Variants in BMP7 observed in about 807,000 individuals in gnomAD.
BMP7 encodes bone morphogenetic protein 7.
In BMP7, 12 loss-of-function variants were observed where a neutral mutation model predicts 41.2. That is an observed-to-expected ratio of 0.29 (90% CI 0.19 to 0.47). BMP7 has a LOEUF of 0.47. Ranked by LOEUF, BMP7 falls within the 20% of genes least tolerant of loss-of-function variation. The probability of loss-of-function intolerance (pLI) is 0.99; values close to 1 mark genes in which losing one functional copy is unlikely to be tolerated. For synonymous variants in BMP7, 248 were observed against 250.0 expected (o/e 0.99, Z 0.07); for missense variants, 467 against 606.0 (o/e 0.77, Z 2.41).
rs892509455 is a variant in BMP7, at chr20:57,261,855, G to C, written c.418+3850C>G. On this transcript the variant is annotated intron_variant, in intron 1 of 6. Coordinates refer to ENST00000395863, the MANE Select transcript of BMP7 (RefSeq NM_001719.3). This position sits in a 1 kb window ranked among gnomAD's most constrained non-coding sequence, Gnocchi z 4.1. ...CTTTTTCTAATACTCTACAGTGGTA[G>C]GGCCTGCTCTTGACGGGCAGTGGGA... is the stretch of plus-strand genomic sequence containing the variant. Among the ~76,000 whole-genome samples the C allele has an allele frequency of 6.6e-6, 1 of 152,244 alleles. No individual in the cohort carries two copies. Among genetic ancestry groups the C allele is most frequent in the Non-Finnish European group, 1.5e-5 (1 of 68,044 alleles).
chr20:57,233,832 GTATT>G (rs2066037747), intron 1 of BMP7, among the ~76,000 whole-genome samples: 1 of 152,142 alleles, frequency 6.6e-6, no homozygotes, highest in African/African-American at 2.4e-5. Flanking sequence ...CCGTGGGACA[GTATT>G]TAACACCCTA....
rs913044682 is a variant in BMP7 at position 57,266,143 on chromosome 20, CCCGGGCT to C, written c.-28_-22del. The C allele has an allele frequency of 1.7e-5, 26 of 1,514,458 alleles. No individual in the cohort carries two copies. Among genetic ancestry groups the C allele is most frequent in the African/African-American group, 5.6e-5 (4 of 71,822 alleles). The allele number at this position is 1,514,458 out of a possible 1,614,324, so 93.8% of individuals were successfully genotyped here. A position where few individuals can be genotyped will look rare whatever the true frequency, so the allele number is the denominator to read the frequency against. On this transcript the variant is annotated 5_prime_UTR_variant, in exon 1 of 7. Transcript: ENST00000395863. ...TGCATCGCGCCGGCTCTACGCGCTA[CCCGGGCT>C]CCGGGCTCCGGGCCCGCACCGCCCC...
At position 57,251,925 on chromosome 20, in the gene BMP7, C is replaced by T. The variant is rs375153810; in HGVS notation, c.418+13780G>A. ...CTCCAGCCTGGGTGACAGAGCAAGG[C>T]TCTGTCTCAAAAAAACAAAGCAAAA... On this transcript the variant is annotated intron_variant, in intron 1 of 6. Transcript: ENST00000395863. Among the ~76,000 whole-genome samples the T allele has an allele frequency of 4.9e-4, 75 of 152,272 alleles. 1 individual carries two copies. The South Asian group carries it at 0.013, about 26-fold the overall frequency.
At chr20:57,226,895 C>T (rs1043974905) in intron 2 of BMP7, among the ~76,000 whole-genome samples, 5 of 147,144 alleles carry the variant, frequency 3.4e-5, no homozygotes, top group African/African-American at 7.7e-5. Context: ...GGCACCATCT[C>T]GGCTCACTGC....
chr20:57,250,943 C>G (rs1482528514), intron 1 of BMP7, among the ~76,000 whole-genome samples: 1 of 152,232 alleles, frequency 6.6e-6, no homozygotes, highest in Non-Finnish European at 1.5e-5. Flanking sequence ...AAAGAGAAGG[C>G]CAGCTGCCCT....
chr20:57,262,935 C>A (rs539626406), intron 1 of BMP7, among the ~76,000 whole-genome samples: 7 of 152,142 alleles, frequency 4.6e-5, no homozygotes, highest in African/African-American at 7.2e-5. Flanking sequence ...ACACCTCCCC[C>A]CAACCCTCTC....
At chr20:57,256,465 C>A (rs1055367531) in intron 1 of BMP7, among the ~76,000 whole-genome samples, 9 of 152,212 alleles carry the variant, frequency 5.9e-5, no homozygotes, top group Non-Finnish European at 1.0e-4. Context: ...TCGTCATCTC[C>A]TTGCCAACCT....
At chr20:57,194,256 G>A (rs1015645674) in intron 3 of BMP7, among the ~76,000 whole-genome samples, 7 of 152,148 alleles carry the variant, frequency 4.6e-5, no homozygotes, top group South Asian at 2.1e-4. Flanking sequence ...TGATGGGGCC[G>A]GAAGGGAAAA....
chr20:57,194,016 A>G (rs1028877468), intron 3 of BMP7, among the ~76,000 whole-genome samples: 4 of 152,182 alleles, frequency 2.6e-5, no homozygotes, highest in Admixed American at 6.5e-5. Flanking sequence ...TCCTCCGTCC[A>G]TGAACGCTGC....
At chr20:57,179,994 C>T (rs549686312) in intron 4 of BMP7, among the ~76,000 whole-genome samples, 7 of 152,184 alleles carry the variant, frequency 4.6e-5, no homozygotes, top group Admixed American at 2.0e-4. Flanking sequence ...GTTCCTCTCC[C>T]CCTCATTACC....
chr20:57,173,385 G>C, intron 5 of BMP7, 75 bp from the exon 6 acceptor site: 1 of 1,422,018 alleles, frequency 7.0e-7, no homozygotes, highest in African/African-American at 1.4e-5. Flanking sequence ...ATGCTGGCCA[G>C]AAACCACCAC....
intron 1 of BMP7, among the ~76,000 whole-genome samples, chr20:57,233,991 T>C (rs4811828): frequency 0.17 from 25,840 of 152,250 alleles, 2,549 homozygotes; most frequent in East Asian, 0.33. Flanking sequence ...GGGATGATTT[T>C]GTGCTGGGCA....
intron 1 of BMP7, among the ~76,000 whole-genome samples, chr20:57,242,019 C>G (rs569508784): frequency 5.3e-5 from 8 of 152,260 alleles, no homozygotes; most frequent in African/African-American, 1.9e-4. Context: ...ACCCAGACAG[C>G]CCCCTGGCCT....
At position 57,196,274 on chromosome 20, in the gene BMP7, G is replaced by C. The variant is rs192171864; in HGVS notation, c.760+6201C>G. Among the ~76,000 whole-genome samples the C allele has an allele frequency of 2.0e-5, 3 of 152,296 alleles. No individual in the cohort carries two copies. The East Asian group carries it at 5.8e-4, about 29-fold the overall frequency. Reference sequence around the variant, plus strand: ...AGAAGACGGCACAAGGAAAATGGGCGTATTGATTTGTAGAGCAGCAGGAAG... The same window carrying C: ...AGAAGACGGCACAAGGAAAATGGGCCTATTGATTTGTAGAGCAGCAGGAAG... On this transcript the variant is annotated intron_variant, in intron 3 of 6. Coordinates refer to ENST00000395863, the MANE Select transcript of BMP7 (RefSeq NM_001719.3).
chr20:57,187,684 C>A (rs1033442155), intron 3 of BMP7, among the ~76,000 whole-genome samples: 1 of 152,122 alleles, frequency 6.6e-6, no homozygotes, highest in African/African-American at 2.4e-5. Flanking sequence ...TGGTAGAAGG[C>A]AGAACAGAGA....
intron 1 of BMP7, among the ~76,000 whole-genome samples, chr20:57,257,402 GTA>G (rs2066137958): frequency 6.6e-6 from 1 of 151,960 alleles, no homozygotes; most frequent in Admixed American, 6.5e-5. Flanking sequence ...TTAATTAAAT[GTA>G]TATTGTTAAT....
chr20:57,233,513 A>T (rs941959213), intron 1 of BMP7, among the ~76,000 whole-genome samples: 1 of 152,230 alleles, frequency 6.6e-6, no homozygotes, highest in Non-Finnish European at 1.5e-5. Flanking sequence ...AATGGGTTAG[A>T]GGCCAGGTAG....
intron 1 of BMP7, among the ~76,000 whole-genome samples, chr20:57,263,713 C>T (rs1248599256): frequency 6.6e-6 from 1 of 152,164 alleles, no homozygotes; most frequent in African/African-American, 2.4e-5. Flanking sequence ...TAACCCCAGG[C>T]TTCAGGAGGG....
intron 2 of BMP7, among the ~76,000 whole-genome samples, chr20:57,220,251 G>C (rs1009199951): frequency 6.6e-6 from 1 of 152,204 alleles, no homozygotes; most frequent in Admixed American, 6.5e-5. Flanking sequence ...CTTCCAATCT[G>C]AACTTGAACT....
Sources: gnomAD v4.1 joint callset for allele counts (sites outside exome capture counted in the v4.1 genomes callset) on GRCh38, gnomAD v4.1.1 for gene constraint, Gnocchi (gnomAD v3.1) non-coding constraint, MANE v1.5 for transcripts, NCBI Gene and HGNC (gene_info 2026-07-23, HGNC 2026-07-21) for gene names.